The following ASIC2 variants were observed in gnomAD, a reference collection of about 807,000 sequenced individuals.
ASIC2 encodes the protein acid-sensing ion channel 2.
A neutral mutation model predicts 57.3 loss-of-function variants in ASIC2; 25 were observed. The ratio of observed to expected loss-of-function variants is 0.44; its 90% CI spans 0.32 to 0.61. The LOEUF is 0.61. ASIC2 is among the 20% of genes least tolerant of loss of function. The probability of loss-of-function intolerance (pLI) is 0.06; values close to 1 mark genes in which losing one functional copy is unlikely to be tolerated. For missense variants in ASIC2, 641 were observed against 738.1 expected, an observed-to-expected ratio of 0.87 and a Z score of 1.52; for synonymous variants, 319 against 307.5, an observed-to-expected ratio of 1.04 and a Z score of -0.39.
At chr17:33,891,200 C>T (rs764546573) in intron 1 of ASIC2, among the ~76,000 whole-genome samples, 13 of 152,268 alleles carry the variant, frequency 8.5e-5, no homozygotes, top group South Asian at 4.2e-4. Flanking sequence ...ATATATCACC[C>T]GGCATTCCAG....
At chr17:34,061,414 C>T (rs1388552524) in intron 1 of ASIC2, among the ~76,000 whole-genome samples, 1 of 152,084 alleles carries the variant, frequency 6.6e-6, no homozygotes, top group South Asian at 2.1e-4. Context: ...ATAAATCACA[C>T]GGGACCTATA....
At chr17:33,953,706 A>G (rs989623587) in intron 1 of ASIC2, among the ~76,000 whole-genome samples, 10 of 152,236 alleles carry the variant, frequency 6.6e-5, no homozygotes, top group Admixed American at 2.0e-4. Context: ...AGAACCTTCA[A>G]GCAGGGTTGA....
At chr17:33,662,721 C>CCTCT (rs1368317810) in intron 1 of ASIC2, among the ~76,000 whole-genome samples, 1 of 145,614 alleles carries the variant, frequency 6.9e-6, no homozygotes, top group Non-Finnish European at 1.5e-5. Flanking sequence ...CTGTTTCCTC[C>CCTCT]CTCCCTCCCT....
chr17:34,025,211 G>A (rs1310663943), intron 1 of ASIC2, among the ~76,000 whole-genome samples: 2 of 152,218 alleles, frequency 1.3e-5, no homozygotes, highest in East Asian at 1.9e-4. Context: ...TTGTCTGGAA[G>A]GTATGAAAGC....
chr17:33,098,915 TAC>T (rs1317655186), intron 2 of ASIC2, among the ~76,000 whole-genome samples: 4 of 150,656 alleles, frequency 2.7e-5, no homozygotes, highest in African/African-American at 4.9e-5. Context: ...TATATGTATA[TAC>T]ACACACACAA....
At chr17:33,714,020 TG>T (rs993290021) in intron 1 of ASIC2, among the ~76,000 whole-genome samples, 31 of 152,026 alleles carry the variant, frequency 2.0e-4, no homozygotes, top group Admixed American at 5.2e-4. Flanking sequence ...GCTTCTCAAG[TG>T]GGGGGTGGGC....
chr17:33,672,009 C>T (rs1305502653), intron 1 of ASIC2, among the ~76,000 whole-genome samples: 3 of 152,152 alleles, frequency 2.0e-5, no homozygotes, highest in African/African-American at 4.8e-5. Flanking sequence ...CTTTTCCCCC[C>T]CTATTCATTT....
chr17:33,499,915 C>T (rs569161264), intron 1 of ASIC2, among the ~76,000 whole-genome samples: 35 of 152,246 alleles, frequency 2.3e-4, no homozygotes, highest in African/African-American at 6.7e-4. Flanking sequence ...CATCAGGCCG[C>T]GGCCAGAGCT....
intron 1 of ASIC2, chr17:34,039,760 C>T (rs1241264537): frequency 8.1e-6 from 13 of 1,611,940 alleles, no homozygotes; most frequent in Middle Eastern, 1.6e-4. Context: ...GCTGCACAAG[C>T]TCTGGTTGGA....
At chr17:34,092,752 A>T (rs1910378143) in intron 1 of ASIC2, among the ~76,000 whole-genome samples, 1 of 152,224 alleles carries the variant, frequency 6.6e-6, no homozygotes, top group African/African-American at 2.4e-5. Context: ...TACCACCCAG[A>T]TTAGGAAATA....
intron 3 of ASIC2, among the ~76,000 whole-genome samples, chr17:33,081,336 G>A (rs1352372201): frequency 6.6e-6 from 1 of 152,184 alleles, no homozygotes; most frequent in Non-Finnish European, 1.5e-5. Context: ...TGATTAAGTA[G>A]CTAAACTAGC....
chr17:34,000,120 C>T (rs1388675623), intron 1 of ASIC2, among the ~76,000 whole-genome samples: 1 of 151,566 alleles, frequency 6.6e-6, no homozygotes, highest in African/African-American at 2.4e-5. Context: ...AAGTTTTCTG[C>T]TAAGAAATCA....
chr17:34,009,686 A>G (rs1906648941), intron 1 of ASIC2, among the ~76,000 whole-genome samples: 1 of 152,194 alleles, frequency 6.6e-6, no homozygotes. Flanking sequence ...ATGCTGGTTT[A>G]TATTGCAGCA....
intron 1 of ASIC2, among the ~76,000 whole-genome samples, chr17:33,518,444 G>A (rs1168048256): frequency 6.6e-6 from 1 of 152,186 alleles, no homozygotes; most frequent in Non-Finnish European, 1.5e-5. Context: ...CCTGAGGGAG[G>A]CAGCAGGTGC....
intron 1 of ASIC2, among the ~76,000 whole-genome samples, chr17:33,375,547 G>C (rs112067809): frequency 2.0e-5 from 3 of 152,148 alleles, no homozygotes; most frequent in Non-Finnish European, 4.4e-5. Context: ...TATGGCTTGC[G>C]TTTTAAAAGG....
At chr17:33,520,271 G>A (rs1914700491) in intron 1 of ASIC2, among the ~76,000 whole-genome samples, 1 of 152,186 alleles carries the variant, frequency 6.6e-6, no homozygotes, top group African/African-American at 2.4e-5. Flanking sequence ...GAATGAACAA[G>A]GATACGGGAC....
At chr17:33,502,762 A>G (rs978121926) in intron 1 of ASIC2, among the ~76,000 whole-genome samples, 21 of 152,160 alleles carry the variant, frequency 1.4e-4, no homozygotes, top group African/African-American at 5.1e-4. Context: ...GTTGGCCTCA[A>G]TTATTTCTTG....
At chr17:33,424,129 A>C (rs1436368051) in intron 1 of ASIC2, among the ~76,000 whole-genome samples, 5 of 152,104 alleles carry the variant, frequency 3.3e-5, no homozygotes, top group Non-Finnish European at 5.9e-5. Flanking sequence ...TGGGGCTCTG[A>C]GAAATGCCAC....
chr17:33,168,906 GACTAAT>G (rs1299664820), intron 1 of ASIC2, among the ~76,000 whole-genome samples: 35 of 152,266 alleles, frequency 2.3e-4, no homozygotes, highest in African/African-American at 7.9e-4. Context: ...TTGCTAAAGA[GACTAAT>G]ACTGATAGAA....
Sources: allele counts gnomAD v4.1 joint callset (sites outside exome capture counted in the v4.1 genomes callset), GRCh38; gene constraint gnomAD v4.1.1; transcripts MANE v1.5; gene names NCBI Gene and HGNC (gene_info 2026-07-23, HGNC 2026-07-21).